GLIS3: variants seen among roughly 807,000 people sequenced by gnomAD.
GLIS3 encodes the protein zinc finger protein GLIS3.
GLIS3 carries 53 observed loss-of-function variants against 78.6 expected under a neutral mutation model. The ratio of observed to expected loss-of-function variants is 0.67; its 90% confidence interval spans 0.54 to 0.85. The LOEUF is 0.85. Ranked by LOEUF, GLIS3 falls within the 40% of genes least tolerant of loss-of-function variation. The probability of loss-of-function intolerance (pLI) is 0.00; values close to 1 mark genes in which losing one functional copy is unlikely to be tolerated. For synonymous variants in GLIS3, 684 were observed against 509.9 expected (o/e 1.34, Z -4.60); for missense variants, 1,703 against 1,231.1 (o/e 1.38, Z -5.74).
At chr9:4,393,863 C>G in the GLIS3 span, among the ~76,000 whole-genome samples, 1 of 152,140 alleles carries the variant, frequency 6.6e-6, no homozygotes, top group African/African-American at 2.4e-5. Context: ...AAGAAGGGCT[C>G]TGTTTTAATC....
intron 4 of GLIS3, among the ~76,000 whole-genome samples, chr9:4,020,685 G>A (rs917565801): frequency 6.6e-6 from 1 of 152,210 alleles, no homozygotes; most frequent in African/African-American, 2.4e-5. Context: ...TTCCAGCTAT[G>A]AGATGCATTT....
At chr9:4,192,604 C>T (rs1327678325) in intron 2 of GLIS3, among the ~76,000 whole-genome samples, 1 of 152,094 alleles carries the variant, frequency 6.6e-6, no homozygotes, top group African/African-American at 2.4e-5. Context: ...TATTCCATTC[C>T]ACTTATTCAT....
intron 4 of GLIS3, among the ~76,000 whole-genome samples, chr9:4,044,285 G>A (rs1181466587): frequency 1.3e-5 from 2 of 152,180 alleles, no homozygotes; most frequent in African/African-American, 4.8e-5. Flanking sequence ...CGACTAAATA[G>A]ACATAAAGCA....
chr9:4,389,076 G>C, the GLIS3 span, among the ~76,000 whole-genome samples: 3 of 152,190 alleles, frequency 2.0e-5, no homozygotes, highest in African/African-American at 7.2e-5. Flanking sequence ...GCCTGAATTG[G>C]ATGAATGACC....
chr9:3,891,104 A>AGAGGAGGAGGAG (rs1453973606), intron 7 of GLIS3, among the ~76,000 whole-genome samples: 1 of 149,668 alleles, frequency 6.7e-6, no homozygotes, highest in East Asian at 2.0e-4. Flanking sequence ...AGTAGGAGGA[A>AGAGGAGGAGGAG]GAGGAGGAGG....
chr9:4,049,021 T>C (rs1265873581), intron 4 of GLIS3, among the ~76,000 whole-genome samples: 1 of 152,118 alleles, frequency 6.6e-6, no homozygotes, highest in African/African-American at 2.4e-5. Context: ...ACCATGGACA[T>C]ACAGAGAGGG....
intron 2 of GLIS3, among the ~76,000 whole-genome samples, chr9:4,228,256 T>C (rs1449804217): frequency 3.4e-5 from 5 of 146,716 alleles, no homozygotes; most frequent in African/African-American, 1.0e-4. Flanking sequence ...TGATGATGAA[T>C]TTAGTTTTAA....
chr9:4,447,743 G>A, the GLIS3 span, among the ~76,000 whole-genome samples: 1 of 152,200 alleles, frequency 6.6e-6, no homozygotes, highest in South Asian at 2.1e-4. Context: ...ACTTCCCCAA[G>A]GACTCAGAGG....
At chr9:4,488,231 G>T in the GLIS3 span, among the ~76,000 whole-genome samples, 109,470 of 151,894 alleles carry the variant, frequency 0.72, 39,534 homozygotes, top group East Asian at 0.9. Context: ...CTGGGATTAC[G>T]GGTGTGAGCC....
chr9:4,451,222 C>T, the GLIS3 span, among the ~76,000 whole-genome samples: 4 of 151,870 alleles, frequency 2.6e-5, no homozygotes, highest in African/African-American at 9.7e-5. Flanking sequence ...AAACAGACTG[C>T]AAACCAACAA....
chr9:4,479,323 G>A, the GLIS3 span, among the ~76,000 whole-genome samples: 4 of 152,164 alleles, frequency 2.6e-5, no homozygotes, highest in Non-Finnish European at 5.9e-5. Flanking sequence ...TTTAGATCCT[G>A]GTGTCCAGAG....
chr9:3,870,417 A>C (rs1470037471), intron 8 of GLIS3, among the ~76,000 whole-genome samples: 1 of 152,198 alleles, frequency 6.6e-6, no homozygotes, highest in Non-Finnish European at 1.5e-5. Context: ...TGAAAATACA[A>C]CATCCCTATA....
chr9:4,166,966 C>T (rs1815899553), intron 2 of GLIS3, among the ~76,000 whole-genome samples: 1 of 152,190 alleles, frequency 6.6e-6, no homozygotes, highest in African/African-American at 2.4e-5. Context: ...TTCCTGTTTG[C>T]GAACAACTCC....
chr9:4,368,187 G>C, the GLIS3 span, among the ~76,000 whole-genome samples: 1 of 152,046 alleles, frequency 6.6e-6, no homozygotes, highest in African/African-American at 2.4e-5. Flanking sequence ...GTTTTAAAAA[G>C]GACTTCTTTT....
At chr9:4,104,297 C>A (rs1830593855) in intron 4 of GLIS3, among the ~76,000 whole-genome samples, 1 of 152,130 alleles carries the variant, frequency 6.6e-6, no homozygotes, top group African/African-American at 2.4e-5. Flanking sequence ...CCCCTCCTTC[C>A]AGGTGCATGA....
At chr9:3,839,389 G>A (rs1161457176) in intron 9 of GLIS3, among the ~76,000 whole-genome samples, 7 of 152,096 alleles carry the variant, frequency 4.6e-5, no homozygotes, top group East Asian at 1.9e-4. Context: ...TCTTACTGGC[G>A]GGTTCCTTGC....
At chr9:3,932,303 C>T in intron 6 of GLIS3, 57 bp downstream of exon 6, 1 of 1,348,110 alleles carries the variant, frequency 7.4e-7, no homozygotes, top group Non-Finnish European at 1.1e-6. Context: ...GCTTCGTGTA[C>T]TACAAGAATA....
chr9:3,930,466 T>C (rs1482237188), intron 6 of GLIS3, among the ~76,000 whole-genome samples: 1 of 152,238 alleles, frequency 6.6e-6, no homozygotes, highest in African/African-American at 2.4e-5. Flanking sequence ...TCTCAAGATA[T>C]GGTTTTCTTT....
At chr9:4,278,620 T>C (rs1027838155) in intron 2 of GLIS3, among the ~76,000 whole-genome samples, 1 of 152,164 alleles carries the variant, frequency 6.6e-6, no homozygotes, top group Admixed American at 6.5e-5. Context: ...GAATACCAGC[T>C]AATAAACATA....
Sources: allele counts gnomAD v4.1 joint callset (sites outside exome capture counted in the v4.1 genomes callset), GRCh38; gene constraint gnomAD v4.1.1; transcripts MANE v1.5; gene names NCBI Gene and HGNC (gene_info 2026-07-23, HGNC 2026-07-21).